The following SORBS2 variants were observed in gnomAD, a reference collection of about 807,000 sequenced individuals.
SORBS2 encodes sorbin and SH3 domain containing 2, also known as sorbin and SH3 domain-containing protein 2.
A neutral mutation model predicts 97.7 loss-of-function variants in SORBS2; 46 were observed. The observed-to-expected ratio is 0.47, with a 90% CI of 0.37 to 0.60. The LOEUF is 0.60. Among genes scored for constraint, SORBS2 ranks in the 20% least tolerant of loss-of-function variants. The probability of loss-of-function intolerance (pLI) is 0.00; values close to 1 mark genes in which losing one functional copy is unlikely to be tolerated. For missense variants in SORBS2, 1,316 were observed against 1,282.3 expected (o/e 1.03, Z -0.40); for synonymous variants, 476 against 473.4 (o/e 1.01, Z -0.07).
chr4:185,714,742 C>T (rs1270697361), intron 2 of SORBS2, among the ~76,000 whole-genome samples: 5 of 152,110 alleles, frequency 3.3e-5, no homozygotes, highest in East Asian at 1.9e-4. Flanking sequence ...TTTATAAAAC[C>T]GTCAGATCTC....
chr4:185,598,423 A>G (rs965385213), intron 12 of SORBS2, among the ~76,000 whole-genome samples: 1 of 152,242 alleles, frequency 6.6e-6, no homozygotes, highest in Non-Finnish European at 1.5e-5. Context: ...TGCTGTTCAT[A>G]AGGAAGCTGG....
At chr4:185,786,899 T>G (rs6856831) in intron 1 of SORBS2, among the ~76,000 whole-genome samples, 117,606 of 149,246 alleles carry the variant, frequency 0.79, 46,342 homozygotes, top group East Asian at 0.82. Flanking sequence ...GGAGGTGGAG[T>G]TTGCAGTGAG....
At chr4:185,915,964 C>A (rs1337403016) in intron 1 of SORBS2, among the ~76,000 whole-genome samples, 3 of 152,248 alleles carry the variant, frequency 2.0e-5, no homozygotes, top group African/African-American at 7.2e-5. Flanking sequence ...GAGGAAGAAG[C>A]AGCATAAGCA....
chr4:185,743,979 CCCT>C (rs910531752), intron 2 of SORBS2, among the ~76,000 whole-genome samples: 11 of 137,454 alleles, frequency 8.0e-5, no homozygotes, highest in East Asian at 4.4e-4. Context: ...CTTCTTCCTC[CCCT>C]CCTCCTCCTC....
chr4:185,587,517 G>A (rs2095814434), exon 15 of SORBS2: 1 of 870,854 alleles, frequency 1.1e-6, no homozygotes, highest in Non-Finnish European at 1.9e-6. Context: ...GATGGTGACG[G>A]CGCATTGGAA....
At chr4:185,736,553 G>A (rs1417593382) in intron 2 of SORBS2, among the ~76,000 whole-genome samples, 1 of 152,188 alleles carries the variant, frequency 6.6e-6, no homozygotes, top group Admixed American at 6.5e-5. Flanking sequence ...GTCTAAAAAT[G>A]GGGCTTCGGA....
At chr4:185,656,865 G>C in exon 1 of SORBS2, 1 of 1,300,772 alleles carries the variant, frequency 7.7e-7, no homozygotes, top group Non-Finnish European at 9.7e-7. Flanking sequence ...CAGCAGGCAC[G>C]GCTGAAGAGG....
At chr4:185,740,238 T>C (rs1046543494) in intron 2 of SORBS2, 6 of 152,332 alleles carry the variant, frequency 3.9e-5, no homozygotes, top group African/African-American at 1.4e-4. Context: ...GAAGCGGTGG[T>C]CTTGTCTACA....
At chr4:185,667,997 A>G (rs953443858) in intron 4 of SORBS2, among the ~76,000 whole-genome samples, 2 of 152,178 alleles carry the variant, frequency 1.3e-5, no homozygotes, top group African/African-American at 4.8e-5. Flanking sequence ...CAGCTTTACT[A>G]AGGATGTTTC....
At chr4:185,771,155 T>C (rs2098968731) in intron 2 of SORBS2, 1 of 8,742 alleles carries the variant, frequency 1.1e-4, no homozygotes, top group Non-Finnish European at 2.6e-4. Context: ...TAATTTTGCA[T>C]TTTTTTTTTT....
intron 1 of SORBS2, among the ~76,000 whole-genome samples, chr4:185,790,009 A>G (rs2099073305): frequency 6.6e-6 from 1 of 152,168 alleles, no homozygotes; most frequent in South Asian, 2.1e-4. Flanking sequence ...GAGAAACAAT[A>G]TATCTACTGT....
intron 2 of SORBS2, among the ~76,000 whole-genome samples, chr4:185,710,640 C>T (rs1395046736): frequency 2.6e-5 from 4 of 152,148 alleles, no homozygotes; most frequent in Non-Finnish European, 5.9e-5. Flanking sequence ...TTGGTTTTTG[C>T]CTTTGTTCTC....
chr4:185,872,924 C>T (rs1212244600), intron 1 of SORBS2, among the ~76,000 whole-genome samples: 2 of 152,190 alleles, frequency 1.3e-5, no homozygotes, highest in Non-Finnish European at 2.9e-5. Flanking sequence ...AGGTGGGAGT[C>T]GCTGGGATAT....
chr4:185,830,765 T>C (rs185758714), intron 1 of SORBS2, among the ~76,000 whole-genome samples: 137 of 152,316 alleles, frequency 9.0e-4, no homozygotes, highest in Non-Finnish European at 1.7e-3. Context: ...TCTTATCAAA[T>C]TGCCCTGTCT....
intron 4 of SORBS2, chr4:185,645,778 G>T (rs546214206): frequency 6.6e-6 from 1 of 152,188 alleles, no homozygotes; most frequent in Non-Finnish European, 1.5e-5. Context: ...TTTCCTAGAA[G>T]TAGGCTTGGA....
chr4:185,677,181 G>T, intron 4 of SORBS2: 1 of 1,551,728 alleles, frequency 6.4e-7, no homozygotes, highest in Non-Finnish European at 8.7e-7. Context: ...CACTGGATTA[G>T]GGGTCAGTGA....
At chr4:185,757,753 T>C (rs983798064) in intron 2 of SORBS2, among the ~76,000 whole-genome samples, 1 of 152,210 alleles carries the variant, frequency 6.6e-6, no homozygotes, top group Non-Finnish European at 1.5e-5. Context: ...GACAAGGGTA[T>C]ACATTAGTTC....
chr4:185,737,902 A>G (rs1256806114), intron 2 of SORBS2, among the ~76,000 whole-genome samples: 1 of 152,216 alleles, frequency 6.6e-6, no homozygotes, highest in Admixed American at 6.5e-5. Flanking sequence ...TGGGAGCTCC[A>G]GGGAGGAGGC....
At chr4:185,793,436 C>G (rs1385276610) in intron 1 of SORBS2, among the ~76,000 whole-genome samples, 4 of 152,138 alleles carry the variant, frequency 2.6e-5, no homozygotes, top group African/African-American at 9.7e-5. Context: ...TTAATTGGGA[C>G]CAGAAGATAC....
Sources: gnomAD v4.1 joint callset for allele counts (sites outside exome capture counted in the v4.1 genomes callset) on GRCh38, gnomAD v4.1.1 for gene constraint, MANE v1.5 for transcripts, NCBI Gene and HGNC (gene_info 2026-07-23, HGNC 2026-07-21) for gene names.